Variants in IPO11 observed in about 807,000 individuals in gnomAD.
The protein encoded by IPO11 is importin-11.
IPO11 carries 66 observed loss-of-function variants against 143.2 expected under a neutral mutation model. The observed-to-expected ratio is 0.46, with a 90% CI of 0.38 to 0.57. IPO11 has a LOEUF of 0.57. IPO11 is among the 20% of genes least tolerant of loss of function. The pLI is 0.00. For synonymous variants in IPO11, 385 were observed against 377.8 expected, an observed-to-expected ratio of 1.02 and a Z score of -0.22; for missense variants, 1,026 against 1,141.0, an observed-to-expected ratio of 0.90 and a Z score of 1.45.
chr5:62,567,626 G>A (rs1450732795), intron 27 of IPO11, among the ~76,000 whole-genome samples: 2 of 132,672 alleles, frequency 1.5e-5, no homozygotes, highest in East Asian at 4.7e-4. Context: ...GCATTGGAAC[G>A]ATCTCGGCCC....
intron 27 of IPO11, among the ~76,000 whole-genome samples, chr5:62,567,039 T>C (rs1440351995): frequency 3.3e-5 from 5 of 152,188 alleles, no homozygotes; most frequent in Non-Finnish European, 5.9e-5. Flanking sequence ...AGATGTTTTC[T>C]TGTTACATTT....
At chr5:62,627,132 T>A in intron 29 of IPO11, 22 bp from the exon 30 acceptor site, 2 of 1,604,392 alleles carry the variant, frequency 1.2e-6, no homozygotes, top group African/African-American at 1.3e-5. Flanking sequence ...TTGACAGTCT[T>A]GCTCCTCTCT....
intron 13 of IPO11, among the ~76,000 whole-genome samples, chr5:62,488,640 A>T (rs972231216): frequency 2.0e-5 from 3 of 152,198 alleles, no homozygotes; most frequent in Non-Finnish European, 4.4e-5. Context: ...ACCTATAGGG[A>T]TATGAGTAAA....
At chr5:62,464,189 C>T (rs556344381) in intron 5 of IPO11, among the ~76,000 whole-genome samples, 193 of 115,692 alleles carry the variant, frequency 1.7e-3, no homozygotes, top group African/African-American at 6.2e-3. Context: ...CTTGCTCTGT[C>T]GCCAGGCTGG....
At chr5:62,557,638 A>G (rs549198671) in intron 26 of IPO11, among the ~76,000 whole-genome samples, 1 of 152,262 alleles carries the variant, frequency 6.6e-6, no homozygotes, top group East Asian at 1.9e-4. Flanking sequence ...AGATCTTACA[A>G]TGCCTATTTT....
At position 62,504,938 on chromosome 5, in the gene IPO11, A is replaced by G. The variant is rs370485204; in HGVS notation, c.1665+40A>G. 120 of 1,157,550 alleles carry G rather than the reference A, an allele frequency of 1.0e-4. 2 individuals are homozygous for G. The African/African-American group carries it at 1.6e-3, about 15-fold the overall frequency. 71.7% of individuals were successfully genotyped at this position (1,157,550 alleles called of 1,614,324 possible). On this transcript the variant is annotated intron_variant, in intron 18 of 29. Coordinates refer to ENST00000325324, the MANE Select transcript of IPO11 (RefSeq NM_016338.5). ...TTCCAGGTATTTTTTTTAAAAAACA[A>G]TTTCTGCTTATGTCTTTGAATACTA... is the stretch of plus-strand genomic sequence containing the variant.
chr5:62,448,302 G>T (rs1744791094), intron 3 of IPO11, among the ~76,000 whole-genome samples: 1 of 151,996 alleles, frequency 6.6e-6, no homozygotes, highest in Admixed American at 6.6e-5. Context: ...GACAGCATGA[G>T]ATTTCATCAT....
intron 6 of IPO11, among the ~76,000 whole-genome samples, chr5:62,468,398 C>A (rs772740686): frequency 2.0e-5 from 3 of 152,114 alleles, no homozygotes; most frequent in Non-Finnish European, 4.4e-5. Context: ...TGCACAAATC[C>A]CAAACTGTCA....
chr5:62,513,354 C>CG (rs1210770541), intron 19 of IPO11, among the ~76,000 whole-genome samples: 4 of 122,016 alleles, frequency 3.3e-5, no homozygotes, highest in Non-Finnish European at 7.0e-5. Flanking sequence ...GCTGGCTGGG[C>CG]GGGGGGCTGA....
intron 27 of IPO11, among the ~76,000 whole-genome samples, chr5:62,584,280 A>G (rs1279219914): frequency 6.6e-6 from 1 of 152,030 alleles, no homozygotes; most frequent in Non-Finnish European, 1.5e-5. Flanking sequence ...GTGATGGGAC[A>G]GAGACTTCAA....
At position 62,628,088 on chromosome 5, in the gene IPO11, GAGA is replaced by G. The variant is rs1368271244; in HGVS notation, c.*775_*777del. On this transcript the variant is annotated 3_prime_UTR_variant, in exon 30 of 30. Transcript: ENST00000325324. The stretch of plus-strand genomic sequence containing the variant: ...TTCCTTTGTTACTCCTGTGAGCACC[GAGA>G]AGAACTGGGCGACTCCCAGTCCCAC... 2.6e-5 allele frequency: 4 copies of G among 152,148 alleles called. No individual in the cohort carries two copies. The South Asian group carries it at 6.3e-4, about 24-fold the overall frequency. The allele number at this position is 152,148 out of a possible 1,614,324, so 9.4% of individuals were successfully genotyped here. A position where few individuals can be genotyped will look rare whatever the true frequency, so the allele number is the denominator to read the frequency against.
At chr5:62,499,607 G>T (rs1441334027) in intron 16 of IPO11, among the ~76,000 whole-genome samples, 1 of 118,354 alleles carries the variant, frequency 8.4e-6, no homozygotes, top group Non-Finnish European at 1.6e-5. Context: ...ACGGAGTCTC[G>T]CTTTGTCGCC....
rs1349631681 is a variant in IPO11, at chr5:62,485,967, T to C, written c.1218+505T>C. Among the ~76,000 whole-genome samples the C allele has an allele frequency of 3.3e-5, 5 of 151,036 alleles. No individual in the cohort carries two copies. The East Asian group carries it at 9.6e-4, about 29-fold the overall frequency. On this transcript the variant is annotated intron_variant, in intron 12 of 29. Transcript: ENST00000325324. ...AATTATGACGTTTAATCTGAGTTTT[T>C]TTTCTTTTTTCTTTTTCTTTTTTTT...
chr5:62,430,743 T>C lies in IPO11; in HGVS notation c.-6-6531T>C, dbSNP rs951094192. Reference sequence around the variant, plus strand: ...GCGAGGCTGGAGTGCAGTGGCGCAATCTTGGCTGACTGCAACCTCTGCCTC... The same window carrying C: ...GCGAGGCTGGAGTGCAGTGGCGCAACCTTGGCTGACTGCAACCTCTGCCTC... On this transcript the variant is annotated intron_variant, in intron 1 of 29. Coordinates refer to ENST00000325324, the MANE Select transcript of IPO11 (RefSeq NM_016338.5). Among the ~76,000 whole-genome samples, 10 of 150,772 alleles carry C rather than the reference T, an allele frequency of 6.6e-5. No individual in the cohort carries two copies. The East Asian group carries it at 1.6e-3, about 23-fold the overall frequency.
chr5:62,549,168 CT>C (rs1193335215), intron 24 of IPO11, among the ~76,000 whole-genome samples: 1 of 151,986 alleles, frequency 6.6e-6, no homozygotes, highest in African/African-American at 2.4e-5. Flanking sequence ...TCTCCTCTTG[CT>C]TTTAATGAGG....
chr5:62,618,467 T>TAGAAGAC (rs1205640357), intron 29 of IPO11, among the ~76,000 whole-genome samples: 2 of 152,172 alleles, frequency 1.3e-5, no homozygotes, highest in Non-Finnish European at 2.9e-5. Context: ...TTTTAAAAAT[T>TAGAAGAC]AGAAGACAGA....
intron 12 of IPO11, among the ~76,000 whole-genome samples, chr5:62,485,958 C>T (rs1182100548): frequency 2.0e-5 from 3 of 147,882 alleles, no homozygotes; most frequent in African/African-American, 4.9e-5. Context: ...GACGTTTAAT[C>T]TGAGTTTTTT....
intron 27 of IPO11, among the ~76,000 whole-genome samples, chr5:62,565,042 T>C (rs1442181434): frequency 6.6e-6 from 1 of 152,236 alleles, no homozygotes; most frequent in Admixed American, 6.5e-5. Flanking sequence ...TCTACATAGA[T>C]GGAATTAGCT....
chr5:62,452,056 C>T, intron 5 of IPO11, 123 bp downstream of exon 5: 1 of 708,186 alleles, frequency 1.4e-6, no homozygotes, highest in South Asian at 1.7e-5. Context: ...CAGGCCTGGC[C>T]AATATGGTGA....
Sources: allele counts gnomAD v4.1 joint callset (sites outside exome capture counted in the v4.1 genomes callset), GRCh38; gene constraint gnomAD v4.1.1; transcripts MANE v1.5; gene names NCBI Gene and HGNC (gene_info 2026-07-23, HGNC 2026-07-21).